ESRRG: variants seen among roughly 807,000 people sequenced by gnomAD.
ESRRG encodes the protein estrogen-related receptor gamma.
ESRRG carries 13 observed loss-of-function variants against 44.0 expected under a neutral mutation model. The ratio of observed to expected loss-of-function variants is 0.30; its 90% confidence interval spans 0.19 to 0.47. ESRRG has a LOEUF of 0.47. Ranked by LOEUF, ESRRG falls within the 20% of genes least tolerant of loss-of-function variation. The probability of loss-of-function intolerance (pLI) is 1.00; values close to 1 mark genes in which losing one functional copy is unlikely to be tolerated. For synonymous variants in ESRRG, 215 were observed against 214.6 expected (o/e 1.00, Z -0.02); for missense variants, 395 against 580.6 (o/e 0.68, Z 3.29).
intron 1 of ESRRG, among the ~76,000 whole-genome samples, chr1:216,699,639 A>G (rs1461119269): frequency 6.6e-6 from 1 of 151,826 alleles, no homozygotes; most frequent in Admixed American, 6.6e-5. Context: ...AACTAATGCC[A>G]TTTTCACTTG....
At chr1:216,622,265 G>C (rs944524133) in intron 3 of ESRRG, among the ~76,000 whole-genome samples, 3 of 152,132 alleles carry the variant, frequency 2.0e-5, no homozygotes, top group Non-Finnish European at 2.9e-5. Flanking sequence ...GCAGTTCTAA[G>C]AACTAACATT....
chr1:216,970,411 G>A (rs1242060257), intron 1 of ESRRG, among the ~76,000 whole-genome samples: 1 of 152,280 alleles, frequency 6.6e-6, no homozygotes, highest in Non-Finnish European at 1.5e-5. Context: ...TAAAAACATA[G>A]TGTCTTCTTC....
chr1:216,612,153 C>A (rs2060764386), intron 3 of ESRRG, among the ~76,000 whole-genome samples: 3 of 152,160 alleles, frequency 2.0e-5, no homozygotes, highest in South Asian at 4.1e-4. Flanking sequence ...ATTATCTATA[C>A]TAAAGTAGCG....
chr1:216,678,574 C>T (rs1219800685), intron 1 of ESRRG, among the ~76,000 whole-genome samples: 1 of 152,074 alleles, frequency 6.6e-6, no homozygotes, highest in Non-Finnish European at 1.5e-5. Context: ...ACACTTCATC[C>T]CTTTTTCTTT....
upstream of ESRRG, among the ~76,000 whole-genome samples, chr1:216,728,304 G>A (rs2087968277): frequency 6.6e-6 from 1 of 152,146 alleles, no homozygotes; most frequent in African/African-American, 2.4e-5. Flanking sequence ...TTTTGAGGCA[G>A]CTGTAATATT....
intron 1 of ESRRG, among the ~76,000 whole-genome samples, chr1:216,695,285 T>C (rs370085764): frequency 6.6e-6 from 1 of 152,094 alleles, no homozygotes; most frequent in East Asian, 1.9e-4. Context: ...TACAAAAATC[T>C]CATATGTGAT....
At chr1:216,821,687 G>GAAAAAAAAAAAAAAAAAATAAAAAA (rs1251334274) in intron 2 of ESRRG, among the ~76,000 whole-genome samples, 1 of 54,198 alleles carries the variant, frequency 1.8e-5, no homozygotes, top group Non-Finnish European at 4.0e-5. Context: ...CCTGCCTCAG[G>GAAAAAAAAAAAAAAAAAATAAAAAA]AAAAATAAAT....
At chr1:217,068,727 A>T (rs1349938728) in intron 1 of ESRRG, among the ~76,000 whole-genome samples, 3 of 152,216 alleles carry the variant, frequency 2.0e-5, no homozygotes, top group Non-Finnish European at 4.4e-5. Context: ...CTATCATCTA[A>T]TCAACAAGCA....
chr1:217,055,917 T>C (rs757357877), intron 1 of ESRRG, among the ~76,000 whole-genome samples: 1 of 152,162 alleles, frequency 6.6e-6, no homozygotes, highest in Non-Finnish European at 1.5e-5. Context: ...CCTTGTCCCT[T>C]TTCCTTTTCA....
chr1:216,756,595 C>A (rs1004314383), intron 2 of ESRRG, among the ~76,000 whole-genome samples: 10 of 151,960 alleles, frequency 6.6e-5, no homozygotes, highest in African/African-American at 2.4e-5. Flanking sequence ...AGAGATAGCT[C>A]ATTCTAGCTA....
chr1:216,543,801 C>T (rs1566223), intron 5 of ESRRG, among the ~76,000 whole-genome samples: 1 of 151,656 alleles, frequency 6.6e-6, no homozygotes, highest in African/African-American at 2.4e-5. Flanking sequence ...ACTAACATGT[C>T]TTTTTAAGAG....
intron 2 of ESRRG, among the ~76,000 whole-genome samples, chr1:216,893,133 G>A (rs2058016284): frequency 6.6e-6 from 1 of 152,066 alleles, no homozygotes; most frequent in African/African-American, 2.4e-5. Context: ...AACAAATATG[G>A]GACCGGCTTC....
chr1:216,578,151 G>T (rs2149767278), intron 3 of ESRRG, among the ~76,000 whole-genome samples: 1 of 152,116 alleles, frequency 6.6e-6, no homozygotes, highest in African/African-American at 2.4e-5. Context: ...TGTGTAAAGA[G>T]AATTATACCT....
At chr1:217,048,326 T>A (rs2085273481) in intron 1 of ESRRG, among the ~76,000 whole-genome samples, 1 of 151,458 alleles carries the variant, frequency 6.6e-6, no homozygotes, top group Non-Finnish European at 1.5e-5. Context: ...GAACACGGAG[T>A]CAGACTTCAG....
chr1:217,036,096 A>T (rs567014444), intron 1 of ESRRG, among the ~76,000 whole-genome samples: 2 of 152,330 alleles, frequency 1.3e-5, no homozygotes, highest in South Asian at 4.1e-4. Flanking sequence ...TGCAAATCAG[A>T]GCCACAATGG....
At chr1:216,855,073 G>A (rs2095906772) in intron 2 of ESRRG, 1 of 152,116 alleles carries the variant, frequency 6.6e-6, no homozygotes, top group South Asian at 2.1e-4. Flanking sequence ...TAAGCTCTAG[G>A]GGTCAATGTC....
At chr1:216,982,715 G>C (rs2074165242) in intron 1 of ESRRG, among the ~76,000 whole-genome samples, 1 of 152,208 alleles carries the variant, frequency 6.6e-6, no homozygotes, top group African/African-American at 2.4e-5. Flanking sequence ...TCAGTAGCAA[G>C]AAAACTATAA....
intron 1 of ESRRG, among the ~76,000 whole-genome samples, chr1:216,958,611 G>C (rs1464453398): frequency 6.6e-6 from 1 of 152,106 alleles, no homozygotes; most frequent in Non-Finnish European, 1.5e-5. Flanking sequence ...TTTTTAAAAA[G>C]CGATCTTTTA....
chr1:216,791,722 A>AT (rs1182255726), intron 2 of ESRRG, among the ~76,000 whole-genome samples: 4 of 152,148 alleles, frequency 2.6e-5, no homozygotes, highest in Non-Finnish European at 4.4e-5. Context: ...AAGCACTATC[A>AT]TTTTTATCAT....
Sources: allele counts gnomAD v4.1 joint callset (sites outside exome capture counted in the v4.1 genomes callset), GRCh38; gene constraint gnomAD v4.1.1; transcripts MANE v1.5; gene names NCBI Gene and HGNC (gene_info 2026-07-23, HGNC 2026-07-21).